Variants in UBE2U observed in about 807,000 individuals in gnomAD.
The protein encoded by UBE2U is ubiquitin-conjugating enzyme E2 U.
UBE2U carries 39 observed loss-of-function variants against 41.2 expected under a neutral mutation model. The ratio of observed to expected loss-of-function variants is 0.95; its 90% CI spans 0.73 to 1.24. The LOEUF (loss-of-function observed/expected upper bound fraction) is 1.24. Ranked by LOEUF, UBE2U falls within the 50% of genes most tolerant of loss-of-function variation. UBE2U has a pLI of 0.00. For synonymous variants in UBE2U, 107 were observed against 117.8 expected (o/e 0.91, Z 0.60); for missense variants, 336 against 363.1 (o/e 0.93, Z 0.61).
At chr1:64,229,720 C>T (rs576754436) in intron 6 of UBE2U, among the ~76,000 whole-genome samples, 1 of 152,308 alleles carries the variant, frequency 6.6e-6, no homozygotes, top group South Asian at 2.1e-4. Context: ...ATAGCACTGC[C>T]ATGATTTTCT....
At chr1:64,215,443 A>G (rs907107074) in intron 5 of UBE2U, 2 of 152,956 alleles carry the variant, frequency 1.3e-5, no homozygotes, top group African/African-American at 4.8e-5. Context: ...AAAGATCATC[A>G]AAGATCTCAA....
intron 2 of UBE2U, 22 bp downstream of exon 2, chr1:64,205,742 C>T: frequency 6.3e-7 from 1 of 1,596,344 alleles, no homozygotes; most frequent in South Asian, 1.1e-5. Flanking sequence ...CAAAACCAAT[C>T]TATTTTTTAA....
chr1:64,228,419 T>C (rs1195289378), intron 6 of UBE2U, among the ~76,000 whole-genome samples: 1 of 152,110 alleles, frequency 6.6e-6, no homozygotes, highest in Admixed American at 6.5e-5. Flanking sequence ...CAAACTTTGA[T>C]GAGTAAGAGT....
At chr1:64,229,456 C>T (rs1259920092) in intron 6 of UBE2U, among the ~76,000 whole-genome samples, 8 of 152,158 alleles carry the variant, frequency 5.3e-5, no homozygotes, top group Non-Finnish European at 1.5e-5. Flanking sequence ...CTCAAAACAA[C>T]CACTTGAGAA....
In UBE2U at chr1:64,230,902, A is replaced by G. The variant is rs79582027; in HGVS notation, c.507-1659A>G. On this transcript the variant is annotated intron_variant, in intron 6 of 9. Coordinates refer to ENST00000371077, the MANE Select transcript of UBE2U (RefSeq NM_001366232.2). ...TGACGTCAATGATAATACTCAGTAA[A>G]TTCCCATCATTGGTTGAAACTATAA... 2.8e-3 allele frequency among the ~76,000 whole-genome samples: 421 copies of G among 152,276 alleles called. 2 individuals are homozygous for G. The highest frequency in any genetic ancestry group is 9.1e-3 in the African/African-American group (378 of 41,562).
At chr1:64,239,152 A>AG (rs1644765243) in intron 7 of UBE2U, among the ~76,000 whole-genome samples, 13 of 25,174 alleles carry the variant, frequency 5.2e-4, no homozygotes, top group South Asian at 4.1e-3. Flanking sequence ...AAGAAGAAGA[A>AG]GAAGAAAGAA....
chr1:64,264,248 G>C (rs1645220802), intron 9 of UBE2U, among the ~76,000 whole-genome samples: 1 of 152,280 alleles, frequency 6.6e-6, no homozygotes, highest in East Asian at 1.9e-4. Flanking sequence ...TAAATTATCA[G>C]AGGCAGAGTT....
At chr1:64,222,210 A>G (rs991509481) in intron 6 of UBE2U, among the ~76,000 whole-genome samples, 2 of 152,074 alleles carry the variant, frequency 1.3e-5, no homozygotes, top group Non-Finnish European at 2.9e-5. Context: ...TATTCAATAG[A>G]GGACATTGCC....
In UBE2U at chr1:64,249,960, C is replaced by T. The variant is rs562246491; in HGVS notation, c.677+8227C>T. 9.0e-4 allele frequency among the ~76,000 whole-genome samples: 137 copies of T among 152,164 alleles called. 1 individual carries two copies. The highest frequency in any genetic ancestry group is 6.8e-3 in the Middle Eastern group (2 of 294). On this transcript the variant is annotated intron_variant, in intron 8 of 9. Transcript: ENST00000371077. ...AATATAAAGAAGCCATACCAAAGCA[C>T]ATCATAATCAAATTGTTGAAACTCA...
Position 64,267,191 on chromosome 1 carries a change from A to G in UBE2U, c.937A>G (p.Asn313Asp). The change falls in exon 10 of 10, where the codon AAT becomes GAT. Residue 313 changes from asparagine (N) to aspartate (D), a missense_variant. Physicochemically the swap from Asn to Asp is conservative, Grantham distance 23. Transcript: ENST00000371077. ...LISWTNTLNT[N>D]TSED ...CTCCTGGACCAATACTCTCAATACA[A>G]ATACTTCAGAAGATTAAGCAGAACA... The G allele has an allele frequency of 6.5e-7, 1 of 1,529,330 alleles. No homozygotes were observed. Among genetic ancestry groups the G allele is most frequent in the Non-Finnish European group, 8.8e-7 (1 of 1,140,438 alleles). 94.7% of individuals were successfully genotyped at this position (1,529,330 alleles called of 1,614,324 possible). A position where few individuals can be genotyped will look rare whatever the true frequency, so the allele number is the denominator to read the frequency against.
At chr1:64,251,892 G>T (rs1352956602) in intron 8 of UBE2U, among the ~76,000 whole-genome samples, 1 of 152,154 alleles carries the variant, frequency 6.6e-6, no homozygotes, top group African/African-American at 2.4e-5. Flanking sequence ...GAGCCAAGCA[G>T]CACCATCCTG....
At chr1:64,263,612 G>A (rs1291521476) in intron 9 of UBE2U, among the ~76,000 whole-genome samples, 1 of 152,158 alleles carries the variant, frequency 6.6e-6, no homozygotes, top group African/African-American at 2.4e-5. Flanking sequence ...ATTATGTAGC[G>A]AGAATGAACT....
At chr1:64,258,696 C>T (rs1016365066) in intron 8 of UBE2U, among the ~76,000 whole-genome samples, 1 of 152,104 alleles carries the variant, frequency 6.6e-6, no homozygotes, top group Non-Finnish European at 1.5e-5. Context: ...ATATATGTGC[C>T]ACATTTTCTT....
chr1:64,244,583 CT>C (rs1371333156), intron 8 of UBE2U, among the ~76,000 whole-genome samples: 4 of 152,146 alleles, frequency 2.6e-5, no homozygotes, highest in Non-Finnish European at 4.4e-5. Context: ...CCTTTTCCTT[CT>C]CTACTCCACC....
chr1:64,256,191 T>G (rs1645087996), intron 8 of UBE2U, among the ~76,000 whole-genome samples: 1 of 152,186 alleles, frequency 6.6e-6, no homozygotes, highest in Non-Finnish European at 1.5e-5. Context: ...ATGGCCATAC[T>G]GCCCAAAGTG....
chr1:64,217,996 T>C (rs1652142623), intron 5 of UBE2U, among the ~76,000 whole-genome samples: 1 of 152,164 alleles, frequency 6.6e-6, no homozygotes, highest in Non-Finnish European at 1.5e-5. Flanking sequence ...AAGCAAATTG[T>C]CTCTACAATT....
At chr1:64,234,707 A>G (rs1441052094) in intron 7 of UBE2U, among the ~76,000 whole-genome samples, 2 of 152,228 alleles carry the variant, frequency 1.3e-5, no homozygotes, top group Non-Finnish European at 2.9e-5. Flanking sequence ...CTCTATCAGT[A>G]TAAAATATTG....
rs17126251 is a variant in UBE2U, at chr1:64,230,894, C to T, written c.507-1667C>T. On this transcript the variant is annotated intron_variant, in intron 6 of 9. Coordinates refer to ENST00000371077, the MANE Select transcript of UBE2U (RefSeq NM_001366232.2). ...TGTATTCATGACGTCAATGATAATA[C>T]TCAGTAAATTCCCATCATTGGTTGA... Among the ~76,000 whole-genome samples the T allele has an allele frequency of 6.7e-3, 1,015 of 152,194 alleles. 30 individuals are homozygous for T. The highest frequency in any genetic ancestry group is 0.047 in the Admixed American group (719 of 15,274).
chr1:64,258,460 A>G (rs1343230950), intron 8 of UBE2U, among the ~76,000 whole-genome samples: 1 of 151,918 alleles, frequency 6.6e-6, no homozygotes, highest in Non-Finnish European at 1.5e-5. Flanking sequence ...TCTTAATGCT[A>G]TCCCTCCCCC....
Sources: allele counts gnomAD v4.1 joint callset (sites outside exome capture counted in the v4.1 genomes callset), GRCh38; gene constraint gnomAD v4.1.1; transcripts MANE v1.5; gene names NCBI Gene and HGNC (gene_info 2026-07-23, HGNC 2026-07-21).